ACYP2: variants seen among roughly 807,000 people sequenced by gnomAD.
ACYP2 encodes the protein acylphosphatase-2.
Under a neutral mutation model 11.2 loss-of-function variants are expected in ACYP2, and 12 were observed. The observed-to-expected ratio is 1.08, with a 90% CI of 0.69 to 1.74. The LOEUF is 1.74. Among genes scored for constraint, ACYP2 ranks in the 40% most tolerant of loss-of-function variants. The pLI is 0.00. For synonymous variants in ACYP2, 43 were observed against 32.2 expected (o/e 1.33, Z -1.13); for missense variants, 134 against 101.9 (o/e 1.31, Z -1.35).
chr2:54,076,554 A>T (rs1057327584), intron 4 of ACYP2, among the ~76,000 whole-genome samples: 1 of 152,250 alleles, frequency 6.6e-6, no homozygotes, highest in Non-Finnish European at 1.5e-5. Flanking sequence ...ATCACAAAAT[A>T]TTGAATATAA....
At chr2:54,195,591 G>A (rs1370371902) in intron 6 of ACYP2, among the ~76,000 whole-genome samples, 1 of 146,466 alleles carries the variant, frequency 6.8e-6, no homozygotes. Flanking sequence ...CGCAGCCCCA[G>A]CTATCACATC....
At chr2:54,242,596 G>T (rs144122182) in intron 6 of ACYP2, among the ~76,000 whole-genome samples, 247 of 152,286 alleles carry the variant, frequency 1.6e-3, no homozygotes, top group African/African-American at 5.7e-3. Context: ...GGTCCCACAA[G>T]ATTAAAATTA....
chr2:54,064,009 C>T (rs545214007), intron 4 of ACYP2, among the ~76,000 whole-genome samples: 362 of 152,218 alleles, frequency 2.4e-3, no homozygotes, highest in Middle Eastern at 0.014. Flanking sequence ...TTTTTCTTTT[C>T]TTTTCCTCTC....
At chr2:54,264,341 C>G (rs1416372654) in intron 6 of ACYP2, among the ~76,000 whole-genome samples, 1 of 152,160 alleles carries the variant, frequency 6.6e-6, no homozygotes, top group Non-Finnish European at 1.5e-5. Flanking sequence ...CCGCTGCTGG[C>G]TCTGGCGGTC....
chr2:54,057,434 A>G (rs1246995355), intron 4 of ACYP2: 3 of 393,538 alleles, frequency 7.6e-6, no homozygotes, highest in African/African-American at 4.1e-5. Flanking sequence ...TTTGGTATAT[A>G]AAATTAGCCT....
chr2:53,986,921 G>T (rs1034582363), intron 2 of ACYP2, among the ~76,000 whole-genome samples: 1 of 152,024 alleles, frequency 6.6e-6, no homozygotes, highest in Non-Finnish European at 1.5e-5. Flanking sequence ...CACCGCACCC[G>T]ACCAAACCTC....
intron 6 of ACYP2, among the ~76,000 whole-genome samples, chr2:54,174,191 G>C (rs1683339255): frequency 6.6e-6 from 1 of 152,094 alleles, no homozygotes; most frequent in African/African-American, 2.4e-5. Flanking sequence ...ATTTGTTTGT[G>C]TCCTCTTTTA....
At chr2:54,115,925 C>T (rs930630281) in intron 4 of ACYP2, among the ~76,000 whole-genome samples, 169 bp downstream of exon 1, 1 of 150,230 alleles carries the variant, frequency 6.7e-6, no homozygotes, top group Non-Finnish European at 1.5e-5. Context: ...GCGCATGCGC[C>T]CGAGGACTTG....
chr2:54,056,042 C>T (rs970628754), intron 3 of ACYP2, among the ~76,000 whole-genome samples: 14 of 152,120 alleles, frequency 9.2e-5, no homozygotes, highest in African/African-American at 2.7e-4. Flanking sequence ...GCACCAGGCT[C>T]CTATGATTTC....
At chr2:54,138,834 C>A in intron 6 of ACYP2, 86 bp downstream of exon 3, 1 of 1,141,456 alleles carries the variant, frequency 8.8e-7, no homozygotes, top group Non-Finnish European at 1.3e-6. Context: ...GCTCTGTTGC[C>A]CAGGTTGGAG....
chr2:54,234,628 G>A (rs1304067987), intron 6 of ACYP2, among the ~76,000 whole-genome samples: 2 of 152,184 alleles, frequency 1.3e-5, no homozygotes, highest in African/African-American at 4.8e-5. Context: ...TGTGGTGTTG[G>A]CTGTTATTTT....
At chr2:53,992,569 G>A (rs1460270338) in intron 2 of ACYP2, among the ~76,000 whole-genome samples, 1 of 152,072 alleles carries the variant, frequency 6.6e-6, no homozygotes, top group African/African-American at 2.4e-5. Flanking sequence ...GGTGGCTCAC[G>A]CCTGTAATCC....
intron 6 of ACYP2, among the ~76,000 whole-genome samples, chr2:54,175,885 G>C (rs180947499): frequency 2.5e-4 from 38 of 152,260 alleles, no homozygotes; most frequent in Admixed American, 2.2e-3. Context: ...GTATTAGGGA[G>C]TGGGGCCTTT....
chr2:54,275,567 A>G (rs893780989), intron 6 of ACYP2, among the ~76,000 whole-genome samples: 4 of 152,174 alleles, frequency 2.6e-5, no homozygotes, highest in African/African-American at 9.6e-5. Context: ...AGGAATGGGG[A>G]AATCTTCTAG....
At chr2:54,136,114 G>C (rs1270453497) in intron 5 of ACYP2, among the ~76,000 whole-genome samples, 1 of 152,134 alleles carries the variant, frequency 6.6e-6, no homozygotes, top group African/African-American at 2.4e-5. Context: ...GGCCAGGCTG[G>C]TCTTGAACTT....
Position 53,980,888 on chromosome 2 carries a change from G to A in ACYP2, c.62+7078G>A, listed in dbSNP as rs140175956. 4.5e-3 allele frequency among the ~76,000 whole-genome samples: 691 copies of A among 152,112 alleles called. 9 individuals carry two copies. Among genetic ancestry groups the A allele is most frequent in the African/African-American group, 0.016 (661 of 41,496 alleles). ...CCACCTCAGCCTCCCGAGTAGCTGT[G>A]ACTACAGGTGTGTGCCACCATGTCC... On this transcript the variant is annotated intron_variant, in intron 2 of 6. Transcript: ENST00000607452.
intron 6 of ACYP2, among the ~76,000 whole-genome samples, chr2:54,147,286 A>C (rs1681940643): frequency 6.6e-6 from 1 of 152,144 alleles, no homozygotes. Context: ...GAAATTTTCC[A>C]ATATGTAGAC....
rs567509194 is a variant in ACYP2, at chr2:54,051,293, A to C, written c.155+243A>C. ...GCAAACTTGTCAGGAAGAGCATAAG[A>C]AGCAGCAGCCAGATGCTTCAGTCAA... On this transcript the variant is annotated intron_variant, in intron 3 of 6. Transcript: ENST00000607452. 3 of 773,268 alleles carry C rather than the reference A, an allele frequency of 3.9e-6. No individual in the cohort carries two copies. The South Asian group carries it at 4.0e-5, about 10-fold the overall frequency. 47.9% of individuals were successfully genotyped at this position (773,268 alleles called of 1,614,324 possible).
chr2:54,078,410 C>CTATATA (rs1360965705), intron 4 of ACYP2, among the ~76,000 whole-genome samples: 1 of 75,832 alleles, frequency 1.3e-5, no homozygotes, highest in Non-Finnish European at 2.6e-5. Context: ...TATATGCGTA[C>CTATATA]CATATATGGT....
Sources: gnomAD v4.1 joint callset for allele counts (sites outside exome capture counted in the v4.1 genomes callset) on GRCh38, gnomAD v4.1.1 for gene constraint, MANE v1.5 for transcripts, NCBI Gene and HGNC (gene_info 2026-07-23, HGNC 2026-07-21) for gene names.